ROBO1: variants seen among roughly 807,000 people sequenced by gnomAD.
ROBO1 encodes roundabout guidance receptor 1.
A neutral mutation model predicts 195.9 loss-of-function variants in ROBO1; 149 were observed. The observed-to-expected ratio is 0.76, with a 90% CI of 0.67 to 0.87. ROBO1 has a LOEUF of 0.87. Ranked by LOEUF, ROBO1 falls within the 40% of genes least tolerant of loss-of-function variation. The probability of loss-of-function intolerance (pLI) is 0.00; values close to 1 mark genes in which losing one functional copy is unlikely to be tolerated. For synonymous variants in ROBO1, 816 were observed against 733.2 expected, an observed-to-expected ratio of 1.11 and a Z score of -1.82; for missense variants, 1,933 against 2,068.3, an observed-to-expected ratio of 0.93 and a Z score of 1.27.
chr3:78,858,263 A>G (rs1399201606), intron 4 of ROBO1, among the ~76,000 whole-genome samples: 1 of 152,054 alleles, frequency 6.6e-6, no homozygotes, highest in East Asian at 1.9e-4. Context: ...TTAATTCCCA[A>G]ACCCCTAAAA....
intron 4 of ROBO1, among the ~76,000 whole-genome samples, chr3:78,851,516 T>C (rs114937671): frequency 0.013 from 2,008 of 152,304 alleles, 43 homozygotes; most frequent in African/African-American, 0.046. Context: ...TGGAGAGCAC[T>C]TGGCACATTT....
At chr3:79,629,196 T>G (rs1945267081) in intron 1 of ROBO1, among the ~76,000 whole-genome samples, 1 of 152,112 alleles carries the variant, frequency 6.6e-6, no homozygotes, top group Admixed American at 6.6e-5. Flanking sequence ...CTGCAGAATA[T>G]ATATATTTCT....
At chr3:79,018,207 G>A (rs530824852) in intron 3 of ROBO1, among the ~76,000 whole-genome samples, 18 of 152,308 alleles carry the variant, frequency 1.2e-4, no homozygotes, top group African/African-American at 4.1e-4. Context: ...GGGGTGGAGG[G>A]GAGGTTTTGG....
intron 3 of ROBO1, among the ~76,000 whole-genome samples, chr3:79,000,131 T>C (rs2077464306): frequency 2.0e-5 from 3 of 152,096 alleles, no homozygotes; most frequent in African/African-American, 7.2e-5. Context: ...CAGCTCAGCA[T>C]GGCTGAGGTG....
At chr3:79,436,611 T>C (rs1239457373) in intron 2 of ROBO1, among the ~76,000 whole-genome samples, 2 of 152,112 alleles carry the variant, frequency 1.3e-5, no homozygotes, top group African/African-American at 4.8e-5. Context: ...ACATATGGGC[T>C]TGCTGACTGA....
chr3:78,849,488 T>C (rs1221269562), intron 4 of ROBO1, among the ~76,000 whole-genome samples: 2 of 152,076 alleles, frequency 1.3e-5, no homozygotes, highest in African/African-American at 4.8e-5. Flanking sequence ...TATCACCCCT[T>C]TGGGAGCGCA....
At chr3:78,651,560 G>A (rs966158385) in intron 19 of ROBO1, among the ~76,000 whole-genome samples, 172 bp downstream of exon 19, 3 of 152,094 alleles carry the variant, frequency 2.0e-5, no homozygotes, top group Admixed American at 6.6e-5. Context: ...GTTCTGCTAT[G>A]TAAGAGAAGT....
chr3:79,734,637 C>G (rs1703300886), intron 1 of ROBO1, among the ~76,000 whole-genome samples: 1 of 152,200 alleles, frequency 6.6e-6, no homozygotes, highest in Non-Finnish European at 1.5e-5. Context: ...AAACAAAACA[C>G]AGCAAACACA....
At chr3:79,635,101 A>G (rs1262084464) in intron 1 of ROBO1, among the ~76,000 whole-genome samples, 1 of 152,204 alleles carries the variant, frequency 6.6e-6, no homozygotes, top group Non-Finnish European at 1.5e-5. Context: ...CAATTTTTAG[A>G]GGCTGATGCA....
chr3:79,494,848 A>C (rs1031078651), intron 2 of ROBO1, among the ~76,000 whole-genome samples: 9 of 152,232 alleles, frequency 5.9e-5, no homozygotes, highest in African/African-American at 2.2e-4. Flanking sequence ...ATGATCACTG[A>C]GTCAGATATT....
intron 26 of ROBO1, among the ~76,000 whole-genome samples, chr3:78,622,655 T>A (rs1385621533): frequency 6.6e-6 from 1 of 152,182 alleles, no homozygotes; most frequent in Non-Finnish European, 1.5e-5. Flanking sequence ...CACTCTCGAA[T>A]CTGGATGGAT....
intron 1 of ROBO1, among the ~76,000 whole-genome samples, chr3:79,688,995 C>T (rs911325110): frequency 6.6e-6 from 1 of 151,972 alleles, no homozygotes; most frequent in Non-Finnish European, 1.5e-5. Context: ...AATTATTAGA[C>T]TTTTTTCTCA....
At chr3:79,759,403 T>C (rs1414333749) in intron 1 of ROBO1, among the ~76,000 whole-genome samples, 1 of 152,190 alleles carries the variant, frequency 6.6e-6, no homozygotes, top group East Asian at 1.9e-4. Context: ...ACCTGGCAAA[T>C]GGTCAGTCAT....
chr3:79,049,390 G>A (rs2078654151), intron 3 of ROBO1, among the ~76,000 whole-genome samples: 1 of 152,042 alleles, frequency 6.6e-6, no homozygotes, highest in South Asian at 2.1e-4. Flanking sequence ...GAGAAATAAG[G>A]GACTATGTGA....
intron 4 of ROBO1, among the ~76,000 whole-genome samples, chr3:78,755,561 C>T (rs1225050441): frequency 1.3e-5 from 2 of 152,126 alleles, no homozygotes; most frequent in Admixed American, 6.5e-5. Flanking sequence ...TGGTTTTATA[C>T]CATGATTATG....
At chr3:78,823,168 T>C (rs2031188926) in intron 4 of ROBO1, among the ~76,000 whole-genome samples, 1 of 144,730 alleles carries the variant, frequency 6.9e-6, no homozygotes, top group African/African-American at 2.6e-5. Flanking sequence ...TTTTAAAACA[T>C]AATTATAATG....
At chr3:79,036,534 T>C (rs2078383647) in intron 3 of ROBO1, among the ~76,000 whole-genome samples, 1 of 152,206 alleles carries the variant, frequency 6.6e-6, no homozygotes, top group Non-Finnish European at 1.5e-5. Flanking sequence ...TAGATGGTCT[T>C]ACACAAATTT....
intron 2 of ROBO1, among the ~76,000 whole-genome samples, chr3:79,484,076 C>T (rs991423942): frequency 1.6e-4 from 24 of 152,250 alleles, no homozygotes; most frequent in African/African-American, 5.5e-4. Flanking sequence ...GTCACTCTTC[C>T]CTCTAAGGAT....
intron 2 of ROBO1, among the ~76,000 whole-genome samples, chr3:79,181,163 G>A (rs2081333253): frequency 6.6e-6 from 1 of 152,034 alleles, no homozygotes; most frequent in African/African-American, 2.4e-5. Flanking sequence ...GGAACCCACG[G>A]ACTGCACTAT....
Sources: allele counts gnomAD v4.1 joint callset (sites outside exome capture counted in the v4.1 genomes callset), GRCh38; gene constraint gnomAD v4.1.1; transcripts MANE v1.5; gene names NCBI Gene and HGNC (gene_info 2026-07-23, HGNC 2026-07-21).